Variants in FLI1 observed in about 807,000 individuals in gnomAD.
FLI1 encodes the protein Friend leukemia integration 1 transcription factor.
In FLI1, 13 loss-of-function variants were observed where a neutral mutation model predicts 53.1. The ratio of observed to expected loss-of-function variants is 0.24; its 90% CI spans 0.16 to 0.39. The LOEUF is 0.39. Among genes scored for constraint, FLI1 ranks in the 10% least tolerant of loss-of-function variants. The pLI is 1.00. For missense variants in FLI1, 424 were observed against 600.5 expected, an observed-to-expected ratio of 0.71 and a Z score of 3.07; for synonymous variants, 244 against 236.7, an observed-to-expected ratio of 1.03 and a Z score of -0.28.
At chr11:128,794,995 G>A (rs1023528087) in intron 5 of FLI1, among the ~76,000 whole-genome samples, 1 of 152,220 alleles carries the variant, frequency 6.6e-6, no homozygotes, top group Non-Finnish European at 1.5e-5. Context: ...AGAATTGCTT[G>A]AGCCTGGGAG....
intron 1 of FLI1, among the ~76,000 whole-genome samples, chr11:128,736,558 C>T (rs1474401181): frequency 6.6e-6 from 1 of 152,198 alleles, no homozygotes; most frequent in Non-Finnish European, 1.5e-5. Context: ...CACCCAGAAA[C>T]ATGCCAGGTA....
At chr11:128,760,795 G>A (rs1941085604) in intron 2 of FLI1, among the ~76,000 whole-genome samples, 1 of 151,968 alleles carries the variant, frequency 6.6e-6, no homozygotes, top group Non-Finnish European at 1.5e-5. Context: ...CAAAGTGCTG[G>A]GATTACAGGC....
intron 3 of FLI1, among the ~76,000 whole-genome samples, chr11:128,769,935 C>T (rs674946): frequency 0.32 from 48,527 of 152,032 alleles, 7,902 homozygotes; most frequent in South Asian, 0.39. Flanking sequence ...CAAAGCAAAG[C>T]TGAGCCTCAC....
chr11:128,693,464 C>T (rs919525093), upstream of FLI1: 7 of 170,250 alleles, frequency 4.1e-5, no homozygotes, highest in African/African-American at 7.1e-5. Flanking sequence ...GAGTCTTCCC[C>T]GGCAGTAGGC....
chr11:128,731,980 T>G (rs1384308236), intron 1 of FLI1, among the ~76,000 whole-genome samples: 2 of 147,968 alleles, frequency 1.4e-5, no homozygotes, highest in African/African-American at 5.0e-5. Flanking sequence ...TCCAGGCTGG[T>G]GGACAGAGCG....
At chr11:128,758,840 G>A (rs900755295) in intron 2 of FLI1, among the ~76,000 whole-genome samples, 1 of 152,214 alleles carries the variant, frequency 6.6e-6, no homozygotes, top group Admixed American at 6.5e-5. Flanking sequence ...CGTGCATGAA[G>A]TGGGTACAAT....
chr11:128,779,197 A>T (rs1941835322), intron 4 of FLI1, among the ~76,000 whole-genome samples: 2 of 152,254 alleles, frequency 1.3e-5, no homozygotes. Flanking sequence ...AATGTGGTTT[A>T]TCTAAGGTTC....
At chr11:128,787,893 A>G (rs1591813583) in intron 5 of FLI1, among the ~76,000 whole-genome samples, 1 of 140,350 alleles carries the variant, frequency 7.1e-6, no homozygotes, top group South Asian at 2.2e-4. Context: ...TGCAAGCTCC[A>G]CCTCCCGGGT....
Position 128,805,384 on chromosome 11 carries a change from T to A in FLI1, c.674T>A (p.Val225Asp). Residue 225 changes from valine to aspartate, a missense_variant, in exon 6 of 9, where the codon GTC becomes GAC. Transcript: ENST00000527786. ...TCATTAGACCCTTCTTATGACTCAG[T>A]CAGAAGAGGAGCTTGGGGCAATAAC... ...SVKEDPSYDS[V>D]RRGAWGNNMN... 1 of 1,589,502 alleles carries A rather than the reference T, an allele frequency of 6.3e-7. No individual in the cohort carries two copies. The highest frequency in any genetic ancestry group is 8.6e-7 in the Non-Finnish European group (1 of 1,165,166).
chr11:128,795,643 C>T (rs564600825), intron 5 of FLI1, among the ~76,000 whole-genome samples: 17 of 151,656 alleles, frequency 1.1e-4, no homozygotes, highest in African/African-American at 1.9e-4. Context: ...CTCCGCCTCC[C>T]GGGTTCACAC....
In FLI1 at chr11:128,811,976, T is replaced by C. The variant is rs1408239149; in HGVS notation, c.*988T>C. On this transcript the variant is annotated 3_prime_UTR_variant, in exon 9 of 9. Transcript: ENST00000527786. ...TCGCTGTTATTTTTTTTAATGTAAT[T>C]TGTACATCTTTTTTCAATCTGTACA... The C allele has an allele frequency of 9.9e-6, 2 of 202,880 alleles. No individual in the cohort carries two copies. Among genetic ancestry groups the C allele is most frequent in the African/African-American group, 4.6e-5 (2 of 43,584 alleles). 12.6% of individuals were successfully genotyped at this position (202,880 alleles called of 1,614,324 possible).
intron 1 of FLI1, among the ~76,000 whole-genome samples, chr11:128,718,788 G>T (rs535338020): frequency 6.6e-6 from 1 of 152,314 alleles, no homozygotes; most frequent in South Asian, 2.1e-4. Context: ...GCAGTCGACT[G>T]TGTTATTTAT....
At chr11:128,778,314 TC>T (rs748572051) in intron 4 of FLI1, among the ~76,000 whole-genome samples, 3 of 152,024 alleles carry the variant, frequency 2.0e-5, no homozygotes, top group Non-Finnish European at 4.4e-5. Context: ...CATAAGCACC[TC>T]CCGGGCCAAG....
At chr11:128,686,240 G>T, upstream of FLI1, 1 of 424,942 alleles carries the variant, frequency 2.4e-6, no homozygotes, top group Non-Finnish European at 4.7e-6. Context: ...TGTCCTGGTC[G>T]CGTTCTCTCC....
At chr11:128,768,820 T>A (rs546909163) in intron 3 of FLI1, among the ~76,000 whole-genome samples, 21 of 151,498 alleles carry the variant, frequency 1.4e-4, no homozygotes, top group Admixed American at 1.2e-3. Context: ...CATCACAGAC[T>A]CTACATCAAT....
chr11:128,798,042 G>A (rs1942495004), intron 5 of FLI1, among the ~76,000 whole-genome samples: 3 of 152,126 alleles, frequency 2.0e-5, no homozygotes, highest in African/African-American at 4.8e-5. Flanking sequence ...CAACCTATGA[G>A]GGTCGGAGCA....
chr11:128,739,925 T>C (rs1940064370), intron 1 of FLI1, among the ~76,000 whole-genome samples: 1 of 152,106 alleles, frequency 6.6e-6, no homozygotes, highest in Non-Finnish European at 1.5e-5. Flanking sequence ...CCTCTAGCTG[T>C]GGGAGCAAAG....
intron 1 of FLI1, among the ~76,000 whole-genome samples, chr11:128,707,382 T>C (rs1436944947): frequency 2.0e-5 from 3 of 152,204 alleles, no homozygotes; most frequent in Non-Finnish European, 4.4e-5. Context: ...TGGTGCAACA[T>C]AGGACTTCCC....
At chr11:128,709,619 G>A (rs1938702020) in intron 1 of FLI1, among the ~76,000 whole-genome samples, 1 of 152,176 alleles carries the variant, frequency 6.6e-6, no homozygotes, top group African/African-American at 2.4e-5. Context: ...GTGGCTTCAG[G>A]AATTCCAGGC....
Sources: allele counts gnomAD v4.1 joint callset (sites outside exome capture counted in the v4.1 genomes callset), GRCh38; gene constraint gnomAD v4.1.1; transcripts MANE v1.5; gene names NCBI Gene and HGNC (gene_info 2026-07-23, HGNC 2026-07-21).